Variants in NTAN1 observed in about 807,000 individuals in gnomAD.
NTAN1 encodes the protein N-terminal asparagine amidase.
Under a neutral mutation model 41.9 loss-of-function variants are expected in NTAN1, and 32 were observed. The ratio of observed to expected loss-of-function variants is 0.76; its 90% CI spans 0.58 to 1.03. The LOEUF is 1.03. NTAN1 is among the 50% of genes least tolerant of loss of function. NTAN1 has a pLI of 0.00. For missense variants in NTAN1, 377 were observed against 377.5 expected (o/e 1.00, Z 0.01); for synonymous variants, 140 against 139.5 (o/e 1.00, Z -0.03).
chr16:15,040,768 G>C (rs2043778693), intron 7 of NTAN1, among the ~76,000 whole-genome samples: 1 of 152,172 alleles, frequency 6.6e-6, no homozygotes, highest in South Asian at 2.1e-4. Context: ...TGGGGGGAGA[G>C]GGAAACAAAA....
intron 5 of NTAN1, 46 bp from the exon 6 acceptor site, chr16:15,041,722 T>G: frequency 2.1e-6 from 3 of 1,417,346 alleles, no homozygotes; most frequent in Non-Finnish European, 3.0e-6. Flanking sequence ...GTTCCTCTAG[T>G]TACCAGAACA....
chr16:15,044,449 C>G, intron 4 of NTAN1, 42 bp from the exon 5 acceptor site: 1 of 1,266,036 alleles, frequency 7.9e-7, no homozygotes, highest in Non-Finnish European at 1.2e-6. Context: ...GAAGAAGACA[C>G]CGGTGCGTGC....
intron 4 of NTAN1, 85 bp from the exon 5 acceptor site, chr16:15,044,492 T>G (rs914288197): frequency 2.3e-6 from 2 of 878,170 alleles, no homozygotes; most frequent in Non-Finnish European, 3.8e-6. Flanking sequence ...ATTCTCAGTT[T>G]CCATGAACAC....
chr16:15,050,540 CT>C (rs1271029877), intron 1 of NTAN1, among the ~76,000 whole-genome samples: 1 of 152,100 alleles, frequency 6.6e-6, no homozygotes, highest in Non-Finnish European at 1.5e-5. Context: ...CAAAACCAGC[CT>C]GGGCAACAAG....
intron 5 of NTAN1, among the ~76,000 whole-genome samples, chr16:15,043,590 C>T (rs1243610645): frequency 6.6e-6 from 1 of 151,950 alleles, no homozygotes; most frequent in Non-Finnish European, 1.5e-5. Context: ...TATGAGTAAG[C>T]TTGCTTCATG....
At chr16:15,041,396 G>A (rs998779083) in intron 6 of NTAN1, among the ~76,000 whole-genome samples, 1 of 152,066 alleles carries the variant, frequency 6.6e-6, no homozygotes, top group African/African-American at 2.4e-5. Context: ...CTGAGATCCA[G>A]TGCCCTCCTT....
chr16:15,047,188 TG>T, intron 4 of NTAN1: 1 of 512,132 alleles, frequency 2.0e-6, no homozygotes, highest in Non-Finnish European at 3.5e-6. Flanking sequence ...TCGACGTTCC[TG>T]AGACGACATC....
intron 1 of NTAN1, 108 bp downstream of exon 1, chr16:15,055,783 G>A (rs1449261527): frequency 3.6e-6 from 2 of 560,332 alleles, no homozygotes; most frequent in Admixed American, 4.5e-5. Context: ...GGCTCCGGAT[G>A]TGCCAACAGC....
At chr16:15,041,494 G>A in intron 6 of NTAN1, 129 bp downstream of exon 6, 2 of 763,108 alleles carry the variant, frequency 2.6e-6, no homozygotes, top group East Asian at 2.5e-5. Flanking sequence ...CCCACCACAG[G>A]AAGAGCCGGA....
intron 1 of NTAN1, among the ~76,000 whole-genome samples, chr16:15,054,796 G>C (rs528820921): frequency 7.2e-5 from 11 of 152,142 alleles, no homozygotes; most frequent in Non-Finnish European, 1.5e-4. Context: ...ACTCTTATCT[G>C]CCTTCAGGAG....
chr16:15,050,973 G>C (rs1164772156), intron 1 of NTAN1, among the ~76,000 whole-genome samples: 16 of 152,190 alleles, frequency 1.1e-4, no homozygotes, highest in Non-Finnish European at 1.5e-5. Flanking sequence ...AAACAGGTGT[G>C]ACTGCTCTAA....
intron 1 of NTAN1, among the ~76,000 whole-genome samples, chr16:15,054,509 CGCTA>C (rs1180766345): frequency 6.6e-6 from 1 of 152,178 alleles, no homozygotes; most frequent in Non-Finnish European, 1.5e-5. Context: ...CTCTTGACTT[CGCTA>C]GCTAACAGGA....
intron 8 of NTAN1, 39 bp from the exon 9 acceptor site, chr16:15,038,726 T>C (rs201293340): frequency 8.6e-7 from 1 of 1,167,386 alleles, no homozygotes; most frequent in African/African-American, 1.5e-5. Flanking sequence ...TTCAGGAATG[T>C]CACCCACTTT....
rs554461192 is a variant in NTAN1, at chr16:15,042,501, A to G, written c.434-825T>C. Reference sequence around the variant, plus strand: ...CACTGCGCCCAGTCGACAATTTTATATCCTGATTTGCTTGTGCATAGGTAT... The same window carrying G: ...CACTGCGCCCAGTCGACAATTTTATGTCCTGATTTGCTTGTGCATAGGTAT... On this transcript the variant is annotated intron_variant, in intron 5 of 9. Coordinates refer to ENST00000287706, the MANE Select transcript of NTAN1 (RefSeq NM_173474.4). 2.0e-5 allele frequency among the ~76,000 whole-genome samples: 3 copies of G among 152,136 alleles called. No individual in the cohort carries two copies. The South Asian group carries it at 6.2e-4, about 32-fold the overall frequency.
intron 7 of NTAN1, chr16:15,040,385 G>A (rs1417637934): frequency 1.2e-4 from 36 of 300,354 alleles, no homozygotes; most frequent in Non-Finnish European, 1.8e-4. Flanking sequence ...TGTACGGCCA[G>A]GGGTGGCTGG....
At chr16:15,047,668 C>A (rs550148632) in intron 3 of NTAN1, 118 bp from the exon 4 acceptor site, 2 of 937,232 alleles carry the variant, frequency 2.1e-6, no homozygotes, top group East Asian at 4.8e-5. Context: ...AGGGGAAAAA[C>A]GGACAGGTCT....
At chr16:15,041,041 A>C in intron 7 of NTAN1, 27 bp downstream of exon 7, 1 of 1,543,332 alleles carries the variant, frequency 6.5e-7, no homozygotes. Context: ...CCAAGACTCC[A>C]ACCCACAAAA....
In NTAN1 at chr16:15,056,000, G is replaced by A. The variant is rs1321489403; in HGVS notation, c.-29C>T. The A allele has an allele frequency of 8.6e-7, 1 of 1,168,662 alleles. No homozygotes were observed. The highest frequency in any genetic ancestry group is 1.6e-5 in the African/African-American group (1 of 62,396). 72.4% of individuals were successfully genotyped at this position (1,168,662 alleles called of 1,614,324 possible). On this transcript the variant is annotated 5_prime_UTR_variant, in exon 1 of 10. Coordinates refer to ENST00000287706, the MANE Select transcript of NTAN1 (RefSeq NM_173474.4). ...GGAGGCGGCCGCCCAGGCAGGCCCA[G>A]GGAGGCGGCGGCCCCCCGCTTTGCA...
chr16:15,042,680 A>G (rs1409244417), intron 5 of NTAN1, among the ~76,000 whole-genome samples: 2 of 152,206 alleles, frequency 1.3e-5, no homozygotes, highest in African/African-American at 2.4e-5. Context: ...TTCTTAGCAT[A>G]TATTTCCACA....
Sources: gnomAD v4.1 joint callset for allele counts (sites outside exome capture counted in the v4.1 genomes callset) on GRCh38, gnomAD v4.1.1 for gene constraint, MANE v1.5 for transcripts, NCBI Gene and HGNC (gene_info 2026-07-23, HGNC 2026-07-21) for gene names.